The following TNFAIP8L3 variants were observed in gnomAD, a reference collection of about 807,000 sequenced individuals.
TNFAIP8L3 encodes the protein TNF alpha induced protein 8 like 3, also known as tumor necrosis factor alpha-induced protein 8-like protein 3.
A neutral mutation model predicts 11.8 loss-of-function variants in TNFAIP8L3; 7 were observed. The ratio of observed to expected loss-of-function variants is 0.59; its 90% CI spans 0.34 to 1.11. The LOEUF is 1.11. Among genes scored for constraint, TNFAIP8L3 ranks in the 50% most tolerant of loss-of-function variants. The probability of loss-of-function intolerance (pLI) is 0.03; values close to 1 mark genes in which losing one functional copy is unlikely to be tolerated. For missense variants in TNFAIP8L3, 219 were observed against 258.6 expected (o/e 0.85, Z 1.05); for synonymous variants, 98 against 103.8 (o/e 0.94, Z 0.34).
intron 1 of TNFAIP8L3, among the ~76,000 whole-genome samples, chr15:51,101,330 T>C (rs894526912): frequency 6.6e-6 from 1 of 152,174 alleles, no homozygotes; most frequent in Admixed American, 6.5e-5. Flanking sequence ...TTTGAAAATA[T>C]GTAAAATAGT....
At chr15:51,083,061 T>G (rs2065403588) in intron 1 of TNFAIP8L3, among the ~76,000 whole-genome samples, 1 of 152,234 alleles carries the variant, frequency 6.6e-6, no homozygotes, top group Non-Finnish European at 1.5e-5. Flanking sequence ...AAAAATTCTG[T>G]TAAATGTGAA....
At chr15:51,084,255 T>C (rs150808840) in intron 1 of TNFAIP8L3, among the ~76,000 whole-genome samples, 2 of 152,320 alleles carry the variant, frequency 1.3e-5, no homozygotes, top group Non-Finnish European at 2.9e-5. Context: ...TCACAGATTA[T>C]TGAGCCTTCT....
chr15:51,070,254 T>G (rs1056935359), intron 1 of TNFAIP8L3, among the ~76,000 whole-genome samples: 2 of 152,122 alleles, frequency 1.3e-5, no homozygotes, highest in Non-Finnish European at 2.9e-5. Flanking sequence ...ATCTGAGAGA[T>G]ATTTTTGGCT....
upstream of TNFAIP8L3, among the ~76,000 whole-genome samples, chr15:51,097,866 A>G (rs1350858984): frequency 6.6e-6 from 1 of 152,108 alleles, no homozygotes; most frequent in African/African-American, 2.4e-5. Context: ...GGGGGGGAAA[A>G]ACTCTTAAGA....
At chr15:51,075,036 G>A (rs2140971368) in intron 1 of TNFAIP8L3, among the ~76,000 whole-genome samples, 1 of 152,324 alleles carries the variant, frequency 6.6e-6, no homozygotes, top group South Asian at 2.1e-4. Context: ...CTACTATGCA[G>A]AAGTTACTCA....
intron 1 of TNFAIP8L3, among the ~76,000 whole-genome samples, chr15:51,083,936 G>GC (rs2065409667): frequency 1.3e-5 from 2 of 152,250 alleles, no homozygotes; most frequent in Admixed American, 1.3e-4. Flanking sequence ...AGGAGGATGA[G>GC]CTGGGGAACA....
At chr15:51,076,237 G>A (rs1195171155) in intron 1 of TNFAIP8L3, among the ~76,000 whole-genome samples, 1 of 152,216 alleles carries the variant, frequency 6.6e-6, no homozygotes, top group Non-Finnish European at 1.5e-5. Context: ...TGGAATGACA[G>A]TGTTGAGGGA....
chr15:51,102,481 A>G (rs184542339), intron 1 of TNFAIP8L3, among the ~76,000 whole-genome samples: 1 of 152,276 alleles, frequency 6.6e-6, no homozygotes, highest in East Asian at 1.9e-4. Context: ...AGCATTTTCT[A>G]CTTAGAAAAG....
chr15:51,093,763 G>C (rs1434862419), intron 1 of TNFAIP8L3, among the ~76,000 whole-genome samples: 1 of 152,132 alleles, frequency 6.6e-6, no homozygotes, highest in Non-Finnish European at 1.5e-5. Flanking sequence ...GGCAGAGACC[G>C]GCGGCAAGTC....
At chr15:51,082,061 T>A (rs1487823633) in intron 1 of TNFAIP8L3, among the ~76,000 whole-genome samples, 1 of 151,352 alleles carries the variant, frequency 6.6e-6, no homozygotes, top group African/African-American at 2.4e-5. Flanking sequence ...TTTTTTTTTT[T>A]AATGAGGGGA....
chr15:51,064,152 A>C (rs992544094), intron 1 of TNFAIP8L3, among the ~76,000 whole-genome samples: 2 of 152,202 alleles, frequency 1.3e-5, no homozygotes, highest in Non-Finnish European at 2.9e-5. Context: ...AAAAGACAAC[A>C]ACCAAGTAGA....
rs2140960676 is a variant in TNFAIP8L3, at chr15:51,057,580, CCTCCCA to C, written c.*295_*300del. 1 of 254,158 alleles carries C rather than the reference CCTCCCA, an allele frequency of 3.9e-6. No individual in the cohort carries two copies. The highest frequency in any genetic ancestry group is 2.2e-5 in the African/African-American group (1 of 44,916). 15.7% of individuals were successfully genotyped at this position (254,158 alleles called of 1,614,324 possible). A position where few individuals can be genotyped will look rare whatever the true frequency, so the allele number is the denominator to read the frequency against. The stretch of plus-strand genomic sequence containing the variant: ...GTCCTCTGTCTCCTGGTTTAGTGCT[CCTCCCA>C]CTCCATGAGATGAACAGCACTCACT... On this transcript the variant is annotated 3_prime_UTR_variant, in exon 2 of 2. Coordinates refer to ENST00000637513, the MANE Select transcript of TNFAIP8L3 (RefSeq NM_001311175.2).
At chr15:51,074,827 C>T (rs987865765) in intron 1 of TNFAIP8L3, among the ~76,000 whole-genome samples, 1 of 152,158 alleles carries the variant, frequency 6.6e-6, no homozygotes. Flanking sequence ...TGTTTGTTGC[C>T]GCTGAAGGTC....
chr15:51,058,352 C>CA lies in TNFAIP8L3; in HGVS notation c.143dup (p.Leu48PhefsTer3), dbSNP rs1168288069. The CA allele has an allele frequency of 3.1e-6, 5 of 1,614,112 alleles. No individual in the cohort carries two copies. The highest frequency in any genetic ancestry group is 4.2e-6 in the Non-Finnish European group (5 of 1,180,034). ...AGATCTCGCTGCTGGTGTCATCAAT[C>CA]AACATGTTGGCCACAGTTTTGCTGG... On this transcript the variant is annotated frameshift_variant, in exon 2 of 2. Coordinates refer to ENST00000637513, the MANE Select transcript of TNFAIP8L3 (RefSeq NM_001311175.2). LOFTEE classifies it high-confidence loss of function.
chr15:51,068,972 C>T (rs891006272), intron 1 of TNFAIP8L3, among the ~76,000 whole-genome samples: 5 of 152,012 alleles, frequency 3.3e-5, no homozygotes, highest in Non-Finnish European at 7.4e-5. Context: ...GCCTACCCCT[C>T]CTCTTCATAA....
At chr15:51,061,703 G>A (rs556012412) in intron 1 of TNFAIP8L3, among the ~76,000 whole-genome samples, 4 of 152,172 alleles carry the variant, frequency 2.6e-5, no homozygotes, top group Admixed American at 1.3e-4. Context: ...AAATTTAAAT[G>A]AAGAGAAGAT....
At chr15:51,100,339 C>T (rs776005836) in intron 1 of TNFAIP8L3, among the ~76,000 whole-genome samples, 2 of 151,836 alleles carry the variant, frequency 1.3e-5, no homozygotes, top group African/African-American at 2.4e-5. Flanking sequence ...AAGGAGGTAT[C>T]CAGTGGAGTG....
chr15:51,074,957 C>T (rs1179960809), intron 1 of TNFAIP8L3, among the ~76,000 whole-genome samples: 2 of 152,228 alleles, frequency 1.3e-5, no homozygotes, highest in Non-Finnish European at 2.9e-5. Context: ...CATCTACTTT[C>T]CGCATCCGGT....
At chr15:51,068,016 T>C (rs2065282684) in intron 1 of TNFAIP8L3, among the ~76,000 whole-genome samples, 1 of 152,250 alleles carries the variant, frequency 6.6e-6, no homozygotes, top group Non-Finnish European at 1.5e-5. Flanking sequence ...ATACTTTTAC[T>C]TGCCTTGAGA....
Sources: allele counts gnomAD v4.1 joint callset (sites outside exome capture counted in the v4.1 genomes callset), GRCh38; gene constraint gnomAD v4.1.1; transcripts MANE v1.5; gene names NCBI Gene and HGNC (gene_info 2026-07-23, HGNC 2026-07-21).